The following COPS2 variants were observed in gnomAD, a reference collection of about 807,000 sequenced individuals.
COPS2 encodes the protein COP9 signalosome complex subunit 2.
Under a neutral mutation model 66.1 loss-of-function variants are expected in COPS2, and 10 were observed. The observed-to-expected ratio is 0.15, with a 90% CI of 0.09 to 0.26. The LOEUF is 0.26. Ranked by LOEUF, COPS2 falls within the 10% of genes least tolerant of loss-of-function variation. The pLI, the probability that COPS2 is intolerant of heterozygous loss-of-function variation, is 1.00. For missense variants in COPS2, 215 were observed against 513.3 expected, an observed-to-expected ratio of 0.42 and a Z score of 5.62; for synonymous variants, 179 against 171.3, an observed-to-expected ratio of 1.04 and a Z score of -0.35.
At chr15:49,135,032 T>C (rs1466918114) in intron 6 of COPS2, among the ~76,000 whole-genome samples, 3 of 152,224 alleles carry the variant, frequency 2.0e-5, no homozygotes, top group Non-Finnish European at 2.9e-5. Context: ...TTAAGTTTAA[T>C]TTATAAATCA....
At chr15:49,155,391 A>C in intron 1 of COPS2, 134 bp downstream of exon 1, 1 of 787,330 alleles carries the variant, frequency 1.3e-6, no homozygotes, top group Non-Finnish European at 2.2e-6. Context: ...GGAGGAGGTA[A>C]ACCAGTCCTG....
At chr15:49,137,542 A>C in intron 4 of COPS2, 105 bp from the exon 5 acceptor site, 2 of 800,168 alleles carry the variant, frequency 2.5e-6, no homozygotes, top group Non-Finnish European at 4.2e-6. Context: ...TTTAATACAC[A>C]TAAGATACAC....
intron 1 of COPS2, among the ~76,000 whole-genome samples, chr15:49,146,263 TG>T (rs892551855): frequency 6.6e-6 from 1 of 152,190 alleles, no homozygotes; most frequent in Non-Finnish European, 1.5e-5. Flanking sequence ...ATTTAAGACC[TG>T]GAATTCCATT....
At chr15:49,139,285 T>C (rs895681272) in intron 4 of COPS2, 2 of 363,352 alleles carry the variant, frequency 5.5e-6, no homozygotes, top group Non-Finnish European at 9.9e-6. Flanking sequence ...GCCTGAAAAG[T>C]TGTTTACAGA....
At chr15:49,136,700 A>G (rs1054906207) in intron 6 of COPS2, among the ~76,000 whole-genome samples, 4 of 152,162 alleles carry the variant, frequency 2.6e-5, no homozygotes, top group African/African-American at 9.7e-5. Flanking sequence ...AAGAATAAAG[A>G]TTGAGGGGCC....
chr15:49,143,256 T>C (rs1157643398), intron 3 of COPS2, among the ~76,000 whole-genome samples: 2 of 152,126 alleles, frequency 1.3e-5, no homozygotes, highest in Admixed American at 6.5e-5. Context: ...TGAGCTTACA[T>C]AGGGATCTGT....
At chr15:49,152,518 A>G (rs2084369957) in intron 1 of COPS2, among the ~76,000 whole-genome samples, 1 of 152,156 alleles carries the variant, frequency 6.6e-6, no homozygotes. Flanking sequence ...TCTTACTTTA[A>G]GAAATAAAAA....
At position 49,144,978 on chromosome 15, in the gene COPS2, C is replaced by T. The variant is rs1442543054; in HGVS notation, c.155G>A (p.Ser52Asn). ...AAGAATATAAACCTTTTGGAAACTGCTTAATGCCGCTTTTGGGTCATCTTC... is the reference window on the plus strand; with the variant it reads ...AAGAATATAAACCTTTTGGAAACTGTTTAATGCCGCTTTTGGGTCATCTTC... ...LKEDDPKAALSSFQKVLELEG... is the reference protein window; with the variant it reads ...LKEDDPKAALNSFQKVLELEG... The change falls in exon 2 of 13, where the codon AGC becomes AAC. Residue 52 changes from serine (S) to asparagine (N), a missense_variant. This residue lies in a region of COPS2 where 90 missense variants were observed against 225.1 expected (regional missense o/e 0.40). Coordinates refer to ENST00000388901, the MANE Select transcript of COPS2 (RefSeq NM_004236.4). 2 of 1,579,086 alleles carry T rather than the reference C, an allele frequency of 1.3e-6. No homozygotes were observed. Among genetic ancestry groups the T allele is most frequent in the South Asian group, 1.2e-5 (1 of 85,406 alleles).
In COPS2 at chr15:49,139,649, T is replaced by A; in HGVS notation, c.251A>T (p.Asn84Ile). 6.3e-7 allele frequency: 1 copy of A among 1,582,810 alleles called. No individual in the cohort carries two copies. Among genetic ancestry groups the A allele is most frequent in the Non-Finnish European group, 8.6e-7 (1 of 1,168,456 alleles). ...QMIKINFKLT[N>I]FPEMMNRYKQ... ...ATATCTATTCATCATTTCTGGAAAGTTTGTCTGTGAGAAAAGAAAAATGAA... is the reference window on the plus strand; with the variant it reads ...ATATCTATTCATCATTTCTGGAAAGATTGTCTGTGAGAAAAGAAAAATGAA... The change falls in exon 4 of 13, where the codon AAC becomes ATC. Residue 84 changes from asparagine (N) to isoleucine (I), a missense_variant. This residue lies in a region of COPS2 where 90 missense variants were observed against 225.1 expected (regional missense o/e 0.40). Transcript: ENST00000388901.
At chr15:49,142,703 T>C (rs1316660963) in intron 3 of COPS2, among the ~76,000 whole-genome samples, 1 of 152,144 alleles carries the variant, frequency 6.6e-6, no homozygotes. Context: ...TCCTGATCCT[T>C]TTTCCCTCCG....
intron 9 of COPS2, among the ~76,000 whole-genome samples, chr15:49,131,065 A>C (rs1029314764): frequency 5.9e-5 from 9 of 152,160 alleles, no homozygotes; most frequent in African/African-American, 2.2e-4. Context: ...TATATACTAT[A>C]TTTATACAAA....
chr15:49,141,989 A>T (rs967605221), intron 3 of COPS2, among the ~76,000 whole-genome samples: 1 of 152,202 alleles, frequency 6.6e-6, no homozygotes, highest in Non-Finnish European at 1.5e-5. Context: ...CGAGTTAAAC[A>T]TTCAGCCCCT....
At chr15:49,145,537 T>A (rs2084314980) in intron 1 of COPS2, among the ~76,000 whole-genome samples, 1 of 151,688 alleles carries the variant, frequency 6.6e-6, no homozygotes, top group Non-Finnish European at 1.5e-5. Flanking sequence ...TAAAACCAGC[T>A]AGGATGGTAA....
rs2084151422 is a variant in COPS2 at position 49,124,716 on chromosome 15, A to C, written c.*3234T>G. 6.6e-6 allele frequency: 1 copy of C among 152,238 alleles called. No homozygotes were observed. The highest frequency in any genetic ancestry group is 2.4e-5 in the African/African-American group (1 of 41,468). The allele number at this position is 152,238 out of a possible 1,614,324, so 9.4% of individuals were successfully genotyped here. The stretch of plus-strand genomic sequence containing the variant: ...ATATTTAGTCATAAATCCCATATGA[A>C]GAATGAAACTCCCAGCTTTACTTGT... On this transcript the variant is annotated 3_prime_UTR_variant, in exon 13 of 13. Coordinates refer to ENST00000388901, the MANE Select transcript of COPS2 (RefSeq NM_004236.4).
At chr15:49,136,322 G>A (rs901875632) in intron 6 of COPS2, among the ~76,000 whole-genome samples, 5 of 152,148 alleles carry the variant, frequency 3.3e-5, no homozygotes, top group Non-Finnish European at 5.9e-5. Context: ...AATATAAAAT[G>A]AAAGCCTGGT....
chr15:49,128,621 A>G (rs2084186078), intron 12 of COPS2, 81 bp downstream of exon 12: 1 of 974,066 alleles, frequency 1.0e-6, no homozygotes, highest in Non-Finnish European at 1.6e-6. Flanking sequence ...AATAATCAAG[A>G]ATCCAATTGT....
At chr15:49,155,445 G>C in intron 1 of COPS2, 80 bp downstream of exon 1, 1 of 1,330,320 alleles carries the variant, frequency 7.5e-7, no homozygotes, top group Non-Finnish European at 1.1e-6. Flanking sequence ...GCTCTACGGG[G>C]AGAGGCCGCG....
At chr15:49,129,626 T>C in intron 10 of COPS2, 67 bp from the exon 11 acceptor site, 7 of 703,602 alleles carry the variant, frequency 9.9e-6, no homozygotes, top group Non-Finnish European at 1.6e-5. Flanking sequence ...TGGATCATTA[T>C]GTACTCCTAA....
intron 3 of COPS2, among the ~76,000 whole-genome samples, 191 bp from the exon 4 acceptor site, chr15:49,139,844 C>T (rs1163265075): frequency 1.3e-5 from 2 of 152,140 alleles, no homozygotes; most frequent in African/African-American, 2.4e-5. Context: ...GACTAGATTA[C>T]TCAAACCAAA....
Sources: gnomAD v4.1 joint callset for allele counts (sites outside exome capture counted in the v4.1 genomes callset) on GRCh38, gnomAD v4.1.1 for gene constraint, gnomAD v4.1.1 regional missense constraint, MANE v1.5 for transcripts, NCBI Gene and HGNC (gene_info 2026-07-23, HGNC 2026-07-21) for gene names.